The following CDH2 variants were observed in gnomAD, a reference collection of about 807,000 sequenced individuals.
CDH2 encodes the protein cadherin 2.
In CDH2, 17 loss-of-function variants were observed where a neutral mutation model predicts 92.0. The ratio of observed to expected loss-of-function variants is 0.18; its 90% CI spans 0.13 to 0.28. The LOEUF is 0.28. Among genes scored for constraint, CDH2 ranks in the 10% least tolerant of loss-of-function variants. CDH2 has a pLI of 1.00. For missense variants in CDH2, 862 were observed against 1,133.1 expected (o/e 0.76, Z 3.44); for synonymous variants, 419 against 415.9 (o/e 1.01, Z -0.09).
At position 27,963,400 on chromosome 18, in the gene CDH2, G is replaced by C; in HGVS notation, c.2471C>G (p.Ser824Cys). ...IHAEPQYPVRSAAPHPGDIGD... is the reference protein window; with the variant it reads ...IHAEPQYPVRCAAPHPGDIGD... ...AATGTCTCCAGGGTGTGGGGCTGCA[G>C]ATCGGACCGGATACTGGGGCTCGGC... The change falls in exon 15 of 16, where the codon TCT becomes TGT. Residue 824 changes from serine to cysteine, a missense_variant. Around this residue, in one of 5 missense-constraint regions of CDH2, gnomAD observed 114 missense variants for 144.8 expected, o/e 0.79. Coordinates refer to ENST00000269141, the MANE Select transcript of CDH2 (RefSeq NM_001792.5). 1 of 1,614,124 alleles carries C rather than the reference G, an allele frequency of 6.2e-7. No homozygotes were observed. The highest frequency in any genetic ancestry group is 8.5e-7 in the Non-Finnish European group (1 of 1,180,028).
At chr18:27,975,105 T>C (rs1342988178) in intron 14 of CDH2, among the ~76,000 whole-genome samples, 3 of 152,108 alleles carry the variant, frequency 2.0e-5, no homozygotes, top group Non-Finnish European at 4.4e-5. Context: ...ATGGGAAACC[T>C]ATATAGTGTT....
At chr18:28,151,860 G>T (rs747715882) in intron 1 of CDH2, among the ~76,000 whole-genome samples, 1 of 152,170 alleles carries the variant, frequency 6.6e-6, no homozygotes, top group Non-Finnish European at 1.5e-5. Flanking sequence ...TAGGATCTCT[G>T]CTGAAACTAC....
intron 6 of CDH2, among the ~76,000 whole-genome samples, chr18:27,945,323 ATTTTT>A (rs66537834): frequency 0.012 from 815 of 66,472 alleles, 8 homozygotes; most frequent in African/African-American, 0.045. Flanking sequence ...AGGAAGGAAG[ATTTTT>A]TTTTTTTTTT....
intron 6 of CDH2, among the ~76,000 whole-genome samples, chr18:27,941,917 A>G (rs1216811815): frequency 6.6e-6 from 1 of 152,242 alleles, no homozygotes; most frequent in Non-Finnish European, 1.5e-5. Flanking sequence ...GCTGGCAATT[A>G]AGGAAACAAA....
chr18:28,016,487 T>C (rs1469049258), intron 2 of CDH2, among the ~76,000 whole-genome samples: 3 of 152,148 alleles, frequency 2.0e-5, no homozygotes, highest in Non-Finnish European at 4.4e-5. Flanking sequence ...CTACTTTTTA[T>C]TAGGTTGTTG....
At chr18:28,030,468 A>ATAATG (rs2013665459) in intron 2 of CDH2, among the ~76,000 whole-genome samples, 1 of 152,106 alleles carries the variant, frequency 6.6e-6, no homozygotes, top group Non-Finnish European at 1.5e-5. Flanking sequence ...ATACACAGCA[A>ATAATG]TAATAATCAG....
At chr18:28,060,625 C>A (rs17446169) in intron 2 of CDH2, among the ~76,000 whole-genome samples, 3,388 of 152,246 alleles carry the variant, frequency 0.022, 64 homozygotes, top group Middle Eastern at 0.037. Flanking sequence ...AAACCATAAA[C>A]AAAATGGGAT....
intron 14 of CDH2, among the ~76,000 whole-genome samples, chr18:27,968,176 A>T (rs1042378499): frequency 2.0e-5 from 3 of 152,234 alleles, no homozygotes; most frequent in Non-Finnish European, 4.4e-5. Flanking sequence ...TATTGCATTA[A>T]TACAAACAAA....
In CDH2 at chr18:28,051,363, T is replaced by C. The variant is rs190005170; in HGVS notation, c.173-37454A>G. Among the ~76,000 whole-genome samples the C allele has an allele frequency of 2.9e-3, 441 of 152,082 alleles. 3 individuals are homozygous for C. The highest frequency in any genetic ancestry group is 0.01 in the African/African-American group (426 of 41,502). ...AGAAGTAACAATGACCTTGGGAAAA[T>C]ACTAAATAGATTTCAAACTAATCCC... is the stretch of plus-strand genomic sequence containing the variant. On this transcript the variant is annotated intron_variant, in intron 2 of 15. Transcript: ENST00000269141.
At chr18:28,035,643 C>G (rs1175587150) in intron 2 of CDH2, among the ~76,000 whole-genome samples, 4 of 152,026 alleles carry the variant, frequency 2.6e-5, no homozygotes, top group Non-Finnish European at 5.9e-5. Flanking sequence ...CAACTAAATA[C>G]AGGTTAATTC....
At chr18:28,141,646 C>A (rs1466234859) in intron 2 of CDH2, among the ~76,000 whole-genome samples, 1 of 152,026 alleles carries the variant, frequency 6.6e-6, no homozygotes, top group African/African-American at 2.4e-5. Context: ...GTCTCCCCTT[C>A]CCCTCTTGTC....
intron 2 of CDH2, among the ~76,000 whole-genome samples, chr18:28,045,232 G>C (rs2014050340): frequency 6.6e-6 from 1 of 152,120 alleles, no homozygotes; most frequent in African/African-American, 2.4e-5. Flanking sequence ...CAGGCACATA[G>C]ATTCTCTAAA....
intron 2 of CDH2, among the ~76,000 whole-genome samples, chr18:28,101,368 T>C (rs1229850668): frequency 6.6e-6 from 1 of 152,168 alleles, no homozygotes; most frequent in Non-Finnish European, 1.5e-5. Flanking sequence ...GCTATTTATA[T>C]GACTCTCCTG....
chr18:28,177,094 G>A lies in CDH2; in HGVS notation c.-72C>T. 1.7e-6 allele frequency: 2 copies of A among 1,176,634 alleles called. No individual in the cohort carries two copies. The highest frequency in any genetic ancestry group is 2.3e-5 in the Admixed American group (1 of 44,082). The allele number at this position is 1,176,634 out of a possible 1,614,324, so 72.9% of individuals were successfully genotyped here. On this transcript the variant is annotated 5_prime_UTR_variant, in exon 1 of 16. Transcript: ENST00000269141. ...CGGCGGCGGCGGCGGAGGAGGAGGA[G>A]GCAGCGGCAGCACCAACAGCGGCGC...
intron 1 of CDH2, among the ~76,000 whole-genome samples, chr18:28,172,596 ATACT>A (rs377443290): frequency 9.1e-4 from 139 of 152,314 alleles, no homozygotes; most frequent in Non-Finnish European, 1.6e-3. Flanking sequence ...TAACTTGAAA[ATACT>A]TAGGTTCTAG....
chr18:28,175,311 G>A (rs1018290078), intron 1 of CDH2, among the ~76,000 whole-genome samples: 2 of 152,204 alleles, frequency 1.3e-5, no homozygotes, highest in Non-Finnish European at 2.9e-5. Flanking sequence ...GGAGAGAGCC[G>A]AGTGGCGGAT....
intron 6 of CDH2, 124 bp from the exon 7 acceptor site, chr18:28,003,293 T>C: frequency 1.5e-6 from 1 of 667,216 alleles, no homozygotes; most frequent in Non-Finnish European, 2.4e-6. Context: ...TTTAAAGTCA[T>C]TTAGACTTGA....
intron 2 of CDH2, among the ~76,000 whole-genome samples, chr18:28,043,600 A>G (rs909259868): frequency 6.7e-6 from 1 of 148,462 alleles, no homozygotes; most frequent in Non-Finnish European, 1.5e-5. Flanking sequence ...GATGGCACTG[A>G]GTTTTCTTCC....
chr18:28,063,765 T>C (rs2014451409), intron 2 of CDH2, among the ~76,000 whole-genome samples: 1 of 152,240 alleles, frequency 6.6e-6, no homozygotes, highest in African/African-American at 2.4e-5. Flanking sequence ...TAAAACTTCA[T>C]ACCATTTAAA....
Sources: gnomAD v4.1 joint callset for allele counts (sites outside exome capture counted in the v4.1 genomes callset) on GRCh38, gnomAD v4.1.1 for gene constraint, gnomAD v4.1.1 regional missense constraint, MANE v1.5 for transcripts, NCBI Gene and HGNC (gene_info 2026-07-23, HGNC 2026-07-21) for gene names.